Variants in GABRB1 observed in about 807,000 individuals in gnomAD.
GABRB1 encodes the protein gamma-aminobutyric acid receptor subunit beta-1.
In GABRB1, 17 loss-of-function variants were observed where a neutral mutation model predicts 51.6. That is an observed-to-expected ratio of 0.33 (90% CI 0.23 to 0.49). The LOEUF (loss-of-function observed/expected upper bound fraction) is 0.49. Ranked by LOEUF, GABRB1 falls within the 20% of genes least tolerant of loss-of-function variation. The pLI is 0.99. For synonymous variants in GABRB1, 247 were observed against 218.9 expected (o/e 1.13, Z -1.14); for missense variants, 410 against 600.6 (o/e 0.68, Z 3.32).
intron 3 of GABRB1, among the ~76,000 whole-genome samples, chr4:47,041,284 T>C (rs185197122): frequency 6.6e-6 from 1 of 152,204 alleles, no homozygotes; most frequent in East Asian, 1.9e-4. Flanking sequence ...TAAACAAGAA[T>C]TCAAGAGAGC....
At chr4:47,081,448 C>T (rs1297895724) in intron 3 of GABRB1, among the ~76,000 whole-genome samples, 1 of 152,136 alleles carries the variant, frequency 6.6e-6, no homozygotes, top group Non-Finnish European at 1.5e-5. Flanking sequence ...TGCCAAGGCA[C>T]CAAATATCAA....
At chr4:47,146,328 C>G (rs1035137078) in intron 3 of GABRB1, among the ~76,000 whole-genome samples, 1 of 151,866 alleles carries the variant, frequency 6.6e-6, no homozygotes, top group Non-Finnish European at 1.5e-5. Flanking sequence ...CCCCCTTTTC[C>G]TCTTTTTGGT....
intron 3 of GABRB1, among the ~76,000 whole-genome samples, chr4:47,133,542 A>T (rs1471978244): frequency 1.3e-5 from 2 of 152,220 alleles, no homozygotes; most frequent in East Asian, 1.9e-4. Flanking sequence ...AGGAGGACAC[A>T]TGGCAGCAGT....
At chr4:47,290,113 A>C (rs1352672939) in intron 4 of GABRB1, among the ~76,000 whole-genome samples, 6 of 152,228 alleles carry the variant, frequency 3.9e-5, no homozygotes, top group African/African-American at 1.2e-4. Context: ...GATTCAAATT[A>C]ATGAAATGCA....
chr4:47,178,651 T>C (rs1184229795), intron 4 of GABRB1, among the ~76,000 whole-genome samples: 2 of 152,140 alleles, frequency 1.3e-5, no homozygotes, highest in Admixed American at 1.3e-4. Flanking sequence ...TCATTTTTAT[T>C]CACCCCATAT....
chr4:47,220,958 T>C (rs1300525288), intron 4 of GABRB1, among the ~76,000 whole-genome samples: 1 of 151,994 alleles, frequency 6.6e-6, no homozygotes, highest in African/African-American at 2.4e-5. Context: ...CTTTAAAAAA[T>C]AGTATTAAGT....
intron 3 of GABRB1, among the ~76,000 whole-genome samples, chr4:47,081,074 C>T (rs115756067): frequency 0.015 from 2,223 of 152,178 alleles, 32 homozygotes; most frequent in Non-Finnish European, 0.022. Flanking sequence ...CAATGAATAA[C>T]GATTCTGAGG....
At chr4:47,213,637 C>G (rs759118339) in intron 4 of GABRB1, among the ~76,000 whole-genome samples, 3 of 151,790 alleles carry the variant, frequency 2.0e-5, no homozygotes, top group Non-Finnish European at 2.9e-5. Flanking sequence ...GGTTTTCTTT[C>G]TTTTTTCTTT....
chr4:47,082,363 C>T lies in GABRB1; in HGVS notation c.240+49879C>T, dbSNP rs146543779. Among the ~76,000 whole-genome samples, 433 of 152,110 alleles carry T rather than the reference C, an allele frequency of 2.8e-3. 2 individuals are homozygous for T. The highest frequency in any genetic ancestry group is 9.1e-3 in the African/African-American group (376 of 41,536). ...AGCTAAATACTGCTGCCTATGATGC[C>T]TCTGACCTGCTCTCTTTGAGAAAAT... On this transcript the variant is annotated intron_variant, in intron 3 of 8. Coordinates refer to ENST00000295454, the MANE Select transcript of GABRB1 (RefSeq NM_000812.4).
chr4:47,404,489 GCA>G (rs56335154), intron 7 of GABRB1, among the ~76,000 whole-genome samples: 14,031 of 145,536 alleles, frequency 0.096, 679 homozygotes, highest in Non-Finnish European at 0.12. Flanking sequence ...ACACACGCAT[GCA>G]CACACACACA....
chr4:47,122,032 C>T (rs1412233973), intron 3 of GABRB1, among the ~76,000 whole-genome samples: 2 of 149,674 alleles, frequency 1.3e-5, no homozygotes, highest in African/African-American at 2.5e-5. Context: ...TCCATGATAT[C>T]TATATCCTTA....
intron 3 of GABRB1, among the ~76,000 whole-genome samples, chr4:47,048,323 A>T (rs997467829): frequency 6.6e-6 from 1 of 152,068 alleles, no homozygotes; most frequent in Non-Finnish European, 1.5e-5. Flanking sequence ...ACTCAAACTT[A>T]TATCTCAGAA....
At chr4:47,184,750 G>A (rs1410593376) in intron 4 of GABRB1, among the ~76,000 whole-genome samples, 3 of 151,782 alleles carry the variant, frequency 2.0e-5, no homozygotes, top group Non-Finnish European at 4.4e-5. Flanking sequence ...GATACAGATG[G>A]CATGGCTCCC....
At chr4:47,054,113 A>G (rs1212047269) in intron 3 of GABRB1, among the ~76,000 whole-genome samples, 25 of 151,090 alleles carry the variant, frequency 1.7e-4, no homozygotes, top group Admixed American at 1.6e-3. Context: ...TCTTTTTTCC[A>G]TATTTTAAGA....
rs1456347778 is a variant in GABRB1, at chr4:47,406,579, G to A, written c.836-103G>A. The A allele has an allele frequency of 2.8e-6, 4 of 1,407,414 alleles. No individual in the cohort carries two copies. The East Asian group carries it at 6.8e-5, about 24-fold the overall frequency. The allele number at this position is 1,407,414 out of a possible 1,614,324, so 87.2% of individuals were successfully genotyped here. On this transcript the variant is annotated intron_variant, in intron 7 of 8. Transcript: ENST00000295454. ...TTTATCATGCTACTGTGATCACTCA[G>A]GGGCACCAATAAGGAAGTGGCAAAT...
intron 4 of GABRB1, among the ~76,000 whole-genome samples, chr4:47,195,100 C>T (rs1475134960): frequency 6.6e-6 from 1 of 152,178 alleles, no homozygotes; most frequent in Admixed American, 6.5e-5. Flanking sequence ...GGCCCGGTGG[C>T]TCATGCCTGT....
intron 3 of GABRB1, among the ~76,000 whole-genome samples, chr4:47,076,525 G>A (rs953827978): frequency 4.2e-4 from 64 of 152,152 alleles, no homozygotes; most frequent in Admixed American, 3.9e-3. Flanking sequence ...ATCCCAAAGC[G>A]GCTCTGAGTT....
chr4:47,254,005 A>C (rs1048679877), intron 4 of GABRB1, among the ~76,000 whole-genome samples: 27 of 152,224 alleles, frequency 1.8e-4, no homozygotes, highest in African/African-American at 6.3e-4. Context: ...GCTTAAAAAT[A>C]AAAAGATTGT....
At chr4:47,077,316 G>A (rs2109557837) in intron 3 of GABRB1, among the ~76,000 whole-genome samples, 2 of 152,238 alleles carry the variant, frequency 1.3e-5, no homozygotes, top group Admixed American at 1.3e-4. Flanking sequence ...TTTGAATAGA[G>A]CAGTTCTTTA....
Sources: gnomAD v4.1 joint callset for allele counts (sites outside exome capture counted in the v4.1 genomes callset) on GRCh38, gnomAD v4.1.1 for gene constraint, MANE v1.5 for transcripts, NCBI Gene and HGNC (gene_info 2026-07-23, HGNC 2026-07-21) for gene names.